Variants in TBC1D32 observed in about 807,000 individuals in gnomAD.
TBC1D32 encodes the protein TBC1 domain family member 32.
A neutral mutation model predicts 170.3 loss-of-function variants in TBC1D32; 151 were observed. The observed-to-expected ratio is 0.89, with a 90% CI of 0.78 to 1.01. The LOEUF (loss-of-function observed/expected upper bound fraction) is 1.01. TBC1D32 is among the 50% of genes least tolerant of loss of function. TBC1D32 has a pLI of 0.00. For synonymous variants in TBC1D32, 498 were observed against 488.0 expected (o/e 1.02, Z -0.27); for missense variants, 1,464 against 1,457.1 (o/e 1.00, Z -0.08).
rs539122070 is a variant in TBC1D32 at position 121,129,205 on chromosome 6, T to A, written c.2899+2422A>T. On this transcript the variant is annotated intron_variant, in intron 25 of 31. Transcript: ENST00000398212. ...TCATAACAATAACTGATTCCAAAAC[T>A]AGGACAGCTCTATGCTTTGAGTACC... 2.0e-5 allele frequency among the ~76,000 whole-genome samples: 3 copies of A among 152,332 alleles called. No homozygotes were observed. The South Asian group carries it at 6.2e-4, about 32-fold the overall frequency.
At position 121,210,807 on chromosome 6, in the gene TBC1D32, T is replaced by C. The variant is rs565578545; in HGVS notation, c.2482-5644A>G. The stretch of plus-strand genomic sequence containing the variant: ...TAAGGGAAGTTCTCCAATTCTGAAA[T>C]GCAAAAGGACAACAGGACAAAGACC... On this transcript the variant is annotated intron_variant, in intron 21 of 31. Transcript: ENST00000398212. Among the ~76,000 whole-genome samples, 6 of 152,260 alleles carry C rather than the reference T, an allele frequency of 3.9e-5. No homozygotes were observed. In the East Asian group the frequency reaches 9.6e-4, roughly 24 times the overall value.
intron 22 of TBC1D32, among the ~76,000 whole-genome samples, chr6:121,182,052 A>C (rs1187586939): frequency 6.6e-6 from 1 of 152,102 alleles, no homozygotes; most frequent in Non-Finnish European, 1.5e-5. Context: ...TATAAATGTA[A>C]AAACCCAAAA....
intron 24 of TBC1D32, among the ~76,000 whole-genome samples, chr6:121,133,223 CT>C (rs1562593196): frequency 6.6e-6 from 1 of 152,050 alleles, no homozygotes; most frequent in African/African-American, 2.4e-5. Context: ...CAATGTCTTA[CT>C]TTTTTCTTAA....
intron 24 of TBC1D32, among the ~76,000 whole-genome samples, chr6:121,153,220 CT>C (rs1205867815): frequency 1.3e-5 from 2 of 152,070 alleles, no homozygotes; most frequent in Non-Finnish European, 2.9e-5. Context: ...CCATTGCTTT[CT>C]GTTTGTTAGT....
At chr6:121,176,525 C>T (rs1055365073) in intron 22 of TBC1D32, among the ~76,000 whole-genome samples, 7 of 152,098 alleles carry the variant, frequency 4.6e-5, no homozygotes, top group Admixed American at 2.6e-4. Flanking sequence ...TTATGGATCA[C>T]GGTCACAACA....
At chr6:121,214,080 TA>T (rs748907733) in intron 21 of TBC1D32, among the ~76,000 whole-genome samples, 117 of 152,160 alleles carry the variant, frequency 7.7e-4, no homozygotes, top group Non-Finnish European at 3.1e-4. Flanking sequence ...TGGCTAGCCA[TA>T]AGCAGAAAAT....
chr6:121,245,824 GGT>G (rs1425833889), intron 17 of TBC1D32, among the ~76,000 whole-genome samples: 1 of 152,008 alleles, frequency 6.6e-6, no homozygotes, highest in East Asian at 1.9e-4. Flanking sequence ...GATGAAAAGA[GGT>G]GTGTGTCTGG....
chr6:121,315,212 C>T (rs1583715231), intron 3 of TBC1D32, among the ~76,000 whole-genome samples: 1 of 152,242 alleles, frequency 6.6e-6, no homozygotes, highest in East Asian at 1.9e-4. Flanking sequence ...GGGTAAATTA[C>T]TTAACTATTA....
intron 22 of TBC1D32, among the ~76,000 whole-genome samples, chr6:121,203,807 T>C (rs1381902203): frequency 1.3e-5 from 2 of 151,250 alleles, no homozygotes; most frequent in Non-Finnish European, 2.9e-5. Context: ...TTCTTTACAG[T>C]AGCATAGAAT....
At position 121,170,638 on chromosome 6, in the gene TBC1D32, GA is replaced by G. The variant is rs1562753840; in HGVS notation, c.2571-9583del. 58 of 691,694 alleles carry G rather than the reference GA, an allele frequency of 8.4e-5. No homozygotes were observed. In the Admixed American group the frequency reaches 1.7e-3, roughly 20 times the overall value. 42.8% of individuals were successfully genotyped at this position (691,694 alleles called of 1,614,324 possible). ...TGTACATCAAAATCTAAATCTAACA[GA>G]AAGTATCATTTAGTTATTTCAGATA... is the stretch of plus-strand genomic sequence containing the variant. On this transcript the variant is annotated intron_variant, in intron 22 of 31. Transcript: ENST00000398212.
intron 9 of TBC1D32, among the ~76,000 whole-genome samples, chr6:121,300,544 T>C (rs1806307214): frequency 6.6e-6 from 1 of 152,136 alleles, no homozygotes; most frequent in Non-Finnish European, 1.5e-5. Flanking sequence ...TAACTCAAGA[T>C]GGATTAAAGA....
chr6:121,237,492 T>C (rs1796466535), intron 20 of TBC1D32, among the ~76,000 whole-genome samples: 1 of 151,962 alleles, frequency 6.6e-6, no homozygotes. Context: ...ATTTCTGATA[T>C]TCCAATTACA....
chr6:121,238,857 C>T (rs1232944312), intron 20 of TBC1D32, among the ~76,000 whole-genome samples: 1 of 151,818 alleles, frequency 6.6e-6, no homozygotes, highest in East Asian at 1.9e-4. Context: ...GAAAATAATT[C>T]TTGCAAAATA....
intron 10 of TBC1D32, 57 bp from the exon 11 acceptor site, chr6:121,294,717 T>A: frequency 7.8e-7 from 1 of 1,277,152 alleles, no homozygotes; most frequent in Non-Finnish European, 1.1e-6. Flanking sequence ...GTCCAAGAAT[T>A]AAAAGAAATT....
At chr6:121,111,483 AAGTAC>A (rs1191678207) in intron 29 of TBC1D32, among the ~76,000 whole-genome samples, 8 of 152,176 alleles carry the variant, frequency 5.3e-5, no homozygotes, top group African/African-American at 1.9e-4. Context: ...TAAAATCTTC[AAGTAC>A]AGTTTAAAGG....
intron 5 of TBC1D32, 40 bp from the exon 6 acceptor site, chr6:121,304,873 CA>C: frequency 7.5e-7 from 1 of 1,332,664 alleles, no homozygotes; most frequent in Non-Finnish European, 1.1e-6. Context: ...TAAGATCTCA[CA>C]AGAATAGAAT....
intron 1 of TBC1D32, among the ~76,000 whole-genome samples, chr6:121,330,153 C>G (rs1811022746): frequency 6.6e-6 from 1 of 152,170 alleles, no homozygotes; most frequent in Non-Finnish European, 1.5e-5. Flanking sequence ...CCCACCTCAG[C>G]TTTCTGAGTA....
intron 21 of TBC1D32, among the ~76,000 whole-genome samples, chr6:121,208,959 CAG>C (rs1440690905): frequency 6.6e-6 from 1 of 152,006 alleles, no homozygotes; most frequent in African/African-American, 2.4e-5. Context: ...CATAGAATAA[CAG>C]GTAGCCCCTC....
chr6:121,299,597 C>G, intron 9 of TBC1D32, 92 bp from the exon 10 acceptor site: 2 of 1,249,446 alleles, frequency 1.6e-6, no homozygotes, highest in Non-Finnish European at 2.2e-6. Flanking sequence ...CATCATAAAT[C>G]ACACAATAGC....
Sources: gnomAD v4.1 joint callset for allele counts (sites outside exome capture counted in the v4.1 genomes callset) on GRCh38, gnomAD v4.1.1 for gene constraint, MANE v1.5 for transcripts, NCBI Gene and HGNC (gene_info 2026-07-23, HGNC 2026-07-21) for gene names.